TNNI3: variants seen among roughly 807,000 people sequenced by gnomAD.
TNNI3 encodes troponin I, cardiac muscle.
A neutral mutation model predicts 31.5 loss-of-function variants in TNNI3; 23 were observed. That is an observed-to-expected ratio of 0.73 (90% confidence interval 0.52 to 1.03). TNNI3 has a LOEUF of 1.03. Among genes scored for constraint, TNNI3 ranks in the 50% least tolerant of loss-of-function variants. The pLI is 0.00. For missense variants in TNNI3, 236 were observed against 282.9 expected (o/e 0.83, Z 1.19); for synonymous variants, 120 against 111.7 (o/e 1.07, Z -0.47).
chr19:55,155,511 T>A (rs567298326), intron 5 of TNNI3, among the ~76,000 whole-genome samples: 19 of 24,474 alleles, frequency 7.8e-4, no homozygotes, highest in East Asian at 2.1e-3. Flanking sequence ...ACTGGACTCC[T>A]GGGTCTGAGG....
chr19:55,156,994 C>T lies in TNNI3; in HGVS notation c.108+56G>A. ...CAGCCCTGGCTCCTCCCCCCACTCCCAGGGTCTTGGATCCCTCCGGCGCCT... is the reference window on the plus strand; with the variant it reads ...CAGCCCTGGCTCCTCCCCCCACTCCTAGGGTCTTGGATCCCTCCGGCGCCT... On this transcript the variant is annotated intron_variant, in intron 3 of 7. Coordinates refer to ENST00000344887, the MANE Select transcript of TNNI3 (RefSeq NM_000363.5). The surrounding 1 kb of genome is among the most constrained non-coding windows in gnomAD (Gnocchi z 4.6). 6.5e-7 allele frequency: 1 copy of T among 1,534,714 alleles called. No homozygotes were observed. The highest frequency in any genetic ancestry group is 8.8e-7 in the Non-Finnish European group (1 of 1,139,750).
Position 55,156,118 on chromosome 19 carries a change from C to G in TNNI3, c.282+83G>C, listed in dbSNP as rs1435937472. The G allele has an allele frequency of 3.7e-6, 6 of 1,607,510 alleles. No individual in the cohort carries two copies. Among genetic ancestry groups the G allele is most frequent in the Non-Finnish European group, 8.5e-7 (1 of 1,175,872 alleles). ...TGGGTAAGGACAGCCATATTGGACG[C>G]CTGGGTCCCGAGCAGAAGAGGGGAT... On this transcript the variant is annotated intron_variant, in intron 5 of 7. Transcript: ENST00000344887. The surrounding 1 kb of genome is among the most constrained non-coding windows in gnomAD (Gnocchi z 4.6).
At chr19:55,154,433 G>T in intron 6 of TNNI3, 1 of 627,640 alleles carries the variant, frequency 1.6e-6, no homozygotes. Flanking sequence ...ACCTGGTCCA[G>T]CTACATGCAA....
chr19:55,156,227 C>A lies in TNNI3; in HGVS notation c.256G>T (p.Ala86Ser). 3 of 1,612,730 alleles carry A rather than the reference C, an allele frequency of 1.9e-6. No individual in the cohort carries two copies. Among genetic ancestry groups the A allele is most frequent in the Non-Finnish European group, 2.5e-6 (3 of 1,179,860 alleles). ...TGCAGCTCCGCGAAGCCCAGCCCGG[C>A]CAACTCCAGCGGCTGGCAGCGGGTG... Reference protein sequence around the residue: ...LSTRCQPLELAGLGFAELQDL... With the variant: ...LSTRCQPLELSGLGFAELQDL... The change falls in exon 5 of 8, where the codon GCC becomes TCC. Residue 86 changes from alanine to serine, a missense_variant. By Grantham distance (99) the Ala-to-Ser change is moderately conservative. This residue lies in a region of TNNI3 where 172 missense variants were observed against 171.8 expected (regional missense o/e 1.00). Transcript: ENST00000344887. The surrounding 1 kb of genome is among the most constrained non-coding windows in gnomAD (Gnocchi z 4.6).
Position 55,156,206 on chromosome 19 carries a change from G to T in TNNI3, c.277C>A (p.Leu93Met). The change falls in exon 5 of 8, where the codon CTG becomes ATG. Residue 93 changes from leucine (L) to methionine (M), a missense_variant. Around this residue, in one of 4 missense-constraint regions of TNNI3, gnomAD observed 172 missense variants for 171.8 expected, o/e 1.00. Transcript: ENST00000344887. This position sits in a 1 kb window ranked among gnomAD's most constrained non-coding sequence, Gnocchi z 4.6. Reference protein sequence around the residue: ...LELAGLGFAELQDLCRQLHAR... With the variant: ...LELAGLGFAEMQDLCRQLHAR... ...GCATCCTTGGGAGCCGGTACCTGCA[G>T]CTCCGCGAAGCCCAGCCCGGCCAAC... is the stretch of plus-strand genomic sequence containing the variant. 1 of 1,612,784 alleles carries T rather than the reference G, an allele frequency of 6.2e-7. No homozygotes were observed. The highest frequency in any genetic ancestry group is 1.7e-5 in the Admixed American group (1 of 60,004).
At position 55,156,238 on chromosome 19, in the gene TNNI3, G is replaced by C. The variant is rs752503819; in HGVS notation, c.245C>G (p.Pro82Arg). 3 of 1,612,504 alleles carry C rather than the reference G, an allele frequency of 1.9e-6. No homozygotes were observed. The highest frequency in any genetic ancestry group is 2.2e-5 in the South Asian group (2 of 91,058). Residue 82 changes from proline (P) to arginine (R), a missense_variant, in exon 5 of 8, where the codon CCG becomes CGG. Physicochemically the swap from Pro to Arg is moderately radical, Grantham distance 103. Coordinates refer to ENST00000344887, the MANE Select transcript of TNNI3 (RefSeq NM_000363.5). This position sits in a 1 kb window ranked among gnomAD's most constrained non-coding sequence, Gnocchi z 4.6. ...KGRALSTRCQ[P>R]LELAGLGFAE... ...GAAGCCCAGCCCGGCCAACTCCAGC[G>C]GCTGGCAGCGGGTGCTCAGAGCGCG...
chr19:55,154,640 T>C, intron 6 of TNNI3, 101 bp downstream of exon 6: 1 of 1,004,192 alleles, frequency 1.0e-6, no homozygotes, highest in Non-Finnish European at 1.6e-6. Context: ...CTGGGTCTCC[T>C]GGGATGTGCA....
intron 6 of TNNI3, chr19:55,154,417 G>A: frequency 1.6e-6 from 1 of 637,788 alleles, no homozygotes; most frequent in Non-Finnish European, 2.8e-6. Flanking sequence ...CAAAACCACT[G>A]GCATAACCTG....
chr19:55,157,102 A>C lies in TNNI3; in HGVS notation c.56T>G (p.Ile19Ser). Residue 19 changes from isoleucine to serine, a missense_variant, in exon 3 of 8, where the codon ATC (isoleucine) becomes AGC (serine). Transcript: ENST00000344887. The surrounding 1 kb of genome is among the most constrained non-coding windows in gnomAD (Gnocchi z 6.3). The part of the protein sequence containing the change: ...AREPRPAPAP[I>S]RRRSSNYRAY... ...GCGGTAGTTGGAGGAGCGGCGTCTG[A>C]TTGGGGCTGGTGCAGGGCGAGGTTC... The C allele has an allele frequency of 4.4e-6, 7 of 1,603,068 alleles. No individual in the cohort carries two copies. Among genetic ancestry groups the C allele is most frequent in the Non-Finnish European group, 5.9e-6 (7 of 1,176,610 alleles).
chr19:55,156,119 CT>C lies in TNNI3; in HGVS notation c.282+81del. On this transcript the variant is annotated intron_variant, in intron 5 of 7. Coordinates refer to ENST00000344887, the MANE Select transcript of TNNI3 (RefSeq NM_000363.5). The surrounding 1 kb of genome is among the most constrained non-coding windows in gnomAD (Gnocchi z 4.6). The stretch of plus-strand genomic sequence containing the variant: ...GGGTAAGGACAGCCATATTGGACGC[CT>C]GGGTCCCGAGCAGAAGAGGGGATAG... 1 of 1,608,336 alleles carries C rather than the reference CT, an allele frequency of 6.2e-7. No homozygotes were observed. Among genetic ancestry groups the C allele is most frequent in the South Asian group, 1.1e-5 (1 of 90,690 alleles).
At position 55,156,134 on chromosome 19, in the gene TNNI3, A is replaced by T; in HGVS notation, c.282+67T>A. On this transcript the variant is annotated intron_variant, in intron 5 of 7. Coordinates refer to ENST00000344887, the MANE Select transcript of TNNI3 (RefSeq NM_000363.5). The surrounding 1 kb of genome is among the most constrained non-coding windows in gnomAD (Gnocchi z 4.6). The stretch of plus-strand genomic sequence containing the variant: ...TATTGGACGCCTGGGTCCCGAGCAG[A>T]AGAGGGGATAGAGGCTGTACTGCTG... 3 of 1,611,616 alleles carry T rather than the reference A, an allele frequency of 1.9e-6. No homozygotes were observed. Among genetic ancestry groups the T allele is most frequent in the Non-Finnish European group, 2.5e-6 (3 of 1,178,998 alleles).
In TNNI3 at chr19:55,154,739, A is replaced by T. The variant is rs1319124481; in HGVS notation, c.372+2T>A. On this transcript the variant is annotated splice_donor_variant, in intron 6 of 7. Transcript: ENST00000344887. LOFTEE classifies it high-confidence loss of function. ...GGTACCCGAGCTGCCCATGCGTCCCACCTCCGTGATGTTCTTGGTGACTTT... is the reference window on the plus strand; with the variant it reads ...GGTACCCGAGCTGCCCATGCGTCCCTCCTCCGTGATGTTCTTGGTGACTTT... 6.2e-7 allele frequency: 1 copy of T among 1,613,590 alleles called. No homozygotes were observed.
chr19:55,157,569 C>A lies in TNNI3; in HGVS notation c.11+10G>T, dbSNP rs775700697. On this transcript the variant is annotated intron_variant, in intron 1 of 7. Coordinates refer to ENST00000344887, the MANE Select transcript of TNNI3 (RefSeq NM_000363.5). This position sits in a 1 kb window ranked among gnomAD's most constrained non-coding sequence, Gnocchi z 6.3. ...GCCCCCAACTCCCACTGCCTTGGGG[C>A]ATCACTCACCCATCCGCCATGCTGA... 2.5e-6 allele frequency: 4 copies of A among 1,613,994 alleles called. No homozygotes were observed. In the Admixed American group the frequency reaches 6.7e-5, roughly 27 times the overall value.
chr19:55,153,982 C>A, intron 7 of TNNI3, 48 bp downstream of exon 7: 11 of 1,607,284 alleles, frequency 6.8e-6, no homozygotes, highest in Non-Finnish European at 9.3e-6. Flanking sequence ...TTGGCACCCA[C>A]AGCCCTTCCC....
intron 7 of TNNI3, among the ~76,000 whole-genome samples, 199 bp downstream of exon 7, chr19:55,153,831 C>G (rs2085709851): frequency 8.9e-4 from 1 of 1,126 alleles, no homozygotes; most frequent in African/African-American, 1.4e-3. Context: ...CCTCTTTGCT[C>G]TTACATGGAC....
chr19:55,153,573 T>G (rs145474920), intron 7 of TNNI3, among the ~76,000 whole-genome samples: 3 of 151,454 alleles, frequency 2.0e-5, no homozygotes, highest in African/African-American at 7.3e-5. Flanking sequence ...AACAACATGG[T>G]GGTGTGCACC....
chr19:55,157,229 G>T lies in TNNI3; in HGVS notation c.24+67C>A, dbSNP rs2085740060. 1 of 1,604,776 alleles carries T rather than the reference G, an allele frequency of 6.2e-7. No individual in the cohort carries two copies. Among genetic ancestry groups the T allele is most frequent in the Non-Finnish European group, 8.5e-7 (1 of 1,176,512 alleles). On this transcript the variant is annotated intron_variant, in intron 2 of 7. Coordinates refer to ENST00000344887, the MANE Select transcript of TNNI3 (RefSeq NM_000363.5). The surrounding 1 kb of genome is among the most constrained non-coding windows in gnomAD (Gnocchi z 6.3). ...GCTAGGGCTGCAGCCTCCCGCCCCA[G>T]ACCCCTCACTGCAGCGCCCACCCTG...
chr19:55,156,574 T>G lies in TNNI3; in HGVS notation c.150+29A>C, dbSNP rs892946036. The G allele has an allele frequency of 4.6e-5, 72 of 1,552,674 alleles. No homozygotes were observed. Among genetic ancestry groups the G allele is most frequent in the Non-Finnish European group, 6.0e-5 (69 of 1,147,858 alleles). On this transcript the variant is annotated intron_variant, in intron 4 of 7. Coordinates refer to ENST00000344887, the MANE Select transcript of TNNI3 (RefSeq NM_000363.5). The surrounding 1 kb of genome is among the most constrained non-coding windows in gnomAD (Gnocchi z 4.6). The stretch of plus-strand genomic sequence containing the variant: ...AAGCTCCGCCCCCTGAGCACCTGCC[T>G]GCTCTTTCCCAGTCCCGCCCGTCCT...
chr19:55,155,461 G>GA (rs1475369718), intron 5 of TNNI3, among the ~76,000 whole-genome samples: 2 of 82,552 alleles, frequency 2.4e-5, no homozygotes, highest in African/African-American at 5.7e-5. Context: ...AGGAGGGGCT[G>GA]GGGCCTGGAC....
Sources: gnomAD v4.1 joint callset for allele counts (sites outside exome capture counted in the v4.1 genomes callset) on GRCh38, gnomAD v4.1.1 for gene constraint, gnomAD v4.1.1 regional missense constraint, Gnocchi (gnomAD v3.1) non-coding constraint, MANE v1.5 for transcripts, NCBI Gene and HGNC (gene_info 2026-07-23, HGNC 2026-07-21) for gene names.